Variants in DLG2 observed in about 807,000 individuals in gnomAD.
DLG2 encodes disks large homolog 2.
In DLG2, 45 loss-of-function variants were observed where a neutral mutation model predicts 132.5. The ratio of observed to expected loss-of-function variants is 0.34; its 90% CI spans 0.27 to 0.44. The LOEUF (loss-of-function observed/expected upper bound fraction) is 0.44. Ranked by LOEUF, DLG2 falls within the 20% of genes least tolerant of loss-of-function variation. The pLI is 1.00. For missense variants in DLG2, 1,045 were observed against 1,196.9 expected, an observed-to-expected ratio of 0.87 and a Z score of 1.87; for synonymous variants, 424 against 419.6, an observed-to-expected ratio of 1.01 and a Z score of -0.13.
intron 2 of DLG2, among the ~76,000 whole-genome samples, chr11:85,621,001 C>T (rs557581835): frequency 3.0e-4 from 46 of 152,342 alleles, no homozygotes; most frequent in African/African-American, 9.9e-4. Context: ...GACAGGCTGA[C>T]GCTTCTTAGA....
intron 12 of DLG2, among the ~76,000 whole-genome samples, chr11:83,973,450 G>T (rs1423221070): frequency 1.3e-5 from 2 of 152,036 alleles, no homozygotes; most frequent in African/African-American, 2.4e-5. Flanking sequence ...AGTTGTCCAG[G>T]TTTTATCCTG....
At chr11:84,093,571 TC>T (rs2097126747) in intron 10 of DLG2, among the ~76,000 whole-genome samples, 1 of 152,158 alleles carries the variant, frequency 6.6e-6, no homozygotes, top group Non-Finnish European at 1.5e-5. Context: ...AGTCACAGGT[TC>T]TATGGATTAT....
intron 3 of DLG2, among the ~76,000 whole-genome samples, chr11:85,467,114 C>G (rs1310475902): frequency 1.3e-5 from 2 of 152,108 alleles, no homozygotes; most frequent in Non-Finnish European, 2.9e-5. Flanking sequence ...CTCTGTTTGT[C>G]TGTTATGGGT....
chr11:84,739,414 T>C (rs1355764479), intron 6 of DLG2, among the ~76,000 whole-genome samples: 2 of 152,198 alleles, frequency 1.3e-5, no homozygotes, highest in Non-Finnish European at 2.9e-5. Flanking sequence ...GAATTCCACA[T>C]GGGGCTCAGT....
chr11:85,472,586 C>T (rs550917227), intron 3 of DLG2, among the ~76,000 whole-genome samples: 1 of 152,200 alleles, frequency 6.6e-6, no homozygotes, highest in Admixed American at 6.5e-5. Flanking sequence ...GCGTGAGCCA[C>T]CACACCCAGC....
intron 18 of DLG2, among the ~76,000 whole-genome samples, chr11:83,770,304 T>C (rs1210282146): frequency 6.7e-6 from 1 of 150,196 alleles, no homozygotes; most frequent in Non-Finnish European, 1.5e-5. Context: ...TTCAATGTAG[T>C]CTATAGCCTC....
intron 4 of DLG2, among the ~76,000 whole-genome samples, chr11:85,252,844 C>T (rs1038965974): frequency 1.3e-5 from 2 of 152,042 alleles, no homozygotes; most frequent in African/African-American, 4.8e-5. Context: ...TAAGCAAGTA[C>T]CAAGAAGGGT....
intron 7 of DLG2, among the ~76,000 whole-genome samples, chr11:84,523,931 T>C (rs571620972): frequency 6.6e-6 from 1 of 152,286 alleles, no homozygotes; most frequent in South Asian, 2.1e-4. Context: ...TAATACTATG[T>C]ACATAAAAGA....
At chr11:84,448,087 T>A (rs1419263826) in intron 7 of DLG2, among the ~76,000 whole-genome samples, 1 of 152,076 alleles carries the variant, frequency 6.6e-6, no homozygotes, top group Non-Finnish European at 1.5e-5. Flanking sequence ...CAATTCAATA[T>A]CTTTAAATTC....
intron 6 of DLG2, among the ~76,000 whole-genome samples, chr11:84,665,510 C>T (rs2099698918): frequency 6.6e-6 from 1 of 152,086 alleles, no homozygotes; most frequent in African/African-American, 2.4e-5. Flanking sequence ...ACATGCTAAT[C>T]CTTCTGGAAT....
intron 6 of DLG2, among the ~76,000 whole-genome samples, chr11:85,083,019 C>A (rs2067447863): frequency 6.6e-6 from 1 of 151,864 alleles, no homozygotes; most frequent in Admixed American, 6.6e-5. Context: ...GGAATGGGGC[C>A]CAGACTCAAG....
At chr11:85,065,552 A>G (rs2064780011) in intron 6 of DLG2, among the ~76,000 whole-genome samples, 1 of 144,132 alleles carries the variant, frequency 6.9e-6, no homozygotes, top group African/African-American at 2.5e-5. Flanking sequence ...TTTAAATTTT[A>G]ATTTTATTAA....
At chr11:84,918,719 C>T (rs765865266) in intron 6 of DLG2, among the ~76,000 whole-genome samples, 5 of 152,250 alleles carry the variant, frequency 3.3e-5, no homozygotes, top group East Asian at 1.9e-4. Flanking sequence ...AAGTGGTTTG[C>T]GATTGGCAAA....
At chr11:84,964,047 C>T (rs2052979329) in intron 6 of DLG2, among the ~76,000 whole-genome samples, 1 of 151,948 alleles carries the variant, frequency 6.6e-6, no homozygotes, top group Non-Finnish European at 1.5e-5. Context: ...CCAGTCAAAG[C>T]TTTCTGGAAT....
At chr11:84,250,888 G>T (rs898450678) in intron 8 of DLG2, among the ~76,000 whole-genome samples, 1 of 152,178 alleles carries the variant, frequency 6.6e-6, no homozygotes, top group Non-Finnish European at 1.5e-5. Context: ...GACTATCACA[G>T]AAATTGACTT....
chr11:83,512,753 A>G (rs776423886), intron 21 of DLG2, among the ~76,000 whole-genome samples: 8 of 151,686 alleles, frequency 5.3e-5, no homozygotes, highest in Non-Finnish European at 1.2e-4. Flanking sequence ...TCATTTTTCA[A>G]TTCCCACCTA....
chr11:84,780,952 TAG>T (rs1257803309), intron 6 of DLG2, among the ~76,000 whole-genome samples: 4 of 133,212 alleles, frequency 3.0e-5, no homozygotes, highest in African/African-American at 8.7e-5. Flanking sequence ...ACATAAAGGA[TAG>T]AGTCAAGCTA....
Position 83,605,660 on chromosome 11 carries a change from T to A in DLG2, c.1940+27551A>T, listed in dbSNP as rs114839353. Among the ~76,000 whole-genome samples the A allele has an allele frequency of 3.3e-3, 509 of 152,378 alleles. 3 individuals are homozygous for A. The highest frequency in any genetic ancestry group is 0.012 in the African/African-American group (497 of 41,592). ...GAGTTTAAAAACTTATTCAAGGTCA[T>A]GCAGCAAGTTAAAGGTGCAGCTGCT... is the stretch of plus-strand genomic sequence containing the variant. On this transcript the variant is annotated intron_variant, in intron 19 of 27. Transcript: ENST00000376104.
At chr11:85,447,412 C>G (rs1509812) in intron 3 of DLG2, among the ~76,000 whole-genome samples, 4,578 of 152,088 alleles carry the variant, frequency 0.03, 109 homozygotes, top group East Asian at 0.1. Flanking sequence ...TAGGGTGGAA[C>G]CTAATCCAAT....
Sources: allele counts gnomAD v4.1 joint callset (sites outside exome capture counted in the v4.1 genomes callset), GRCh38; gene constraint gnomAD v4.1.1; transcripts MANE v1.5; gene names NCBI Gene and HGNC (gene_info 2026-07-23, HGNC 2026-07-21).